BDNF: variants seen among roughly 807,000 people sequenced by gnomAD.
BDNF encodes neurotrophic factor BDNF precursor form.
In BDNF, 1 loss-of-function variant was observed where a neutral mutation model predicts 19.5. That is an observed-to-expected ratio of 0.05 (90% CI 0.02 to 0.24). BDNF has a LOEUF of 0.24. Among genes scored for constraint, BDNF ranks in the 10% least tolerant of loss-of-function variants. The pLI is 1.00. For missense variants in BDNF, 195 were observed against 317.6 expected (o/e 0.61, Z 2.93); for synonymous variants, 100 against 121.6 (o/e 0.82, Z 1.17).
At chr11:27,699,626 A>G in intron 1 of BDNF, 1 of 1,445,826 alleles carries the variant, frequency 6.9e-7, no homozygotes, top group South Asian at 1.5e-5. Context: ...CGGACTTGTA[A>G]GTCCACTTCA....
At chr11:27,663,330 CT>C (rs1441423007) in intron 1 of BDNF, among the ~76,000 whole-genome samples, 19 of 152,228 alleles carry the variant, frequency 1.2e-4, no homozygotes, top group Non-Finnish European at 1.9e-4. Flanking sequence ...TCAACCACAT[CT>C]ATAAAATGCT....
chr11:27,704,954 A>G (rs7931755), upstream of BDNF, among the ~76,000 whole-genome samples: 10,917 of 152,270 alleles, frequency 0.072, 1,326 homozygotes, highest in African/African-American at 0.25. Flanking sequence ...GAAAGGAACC[A>G]CAGCAAGAAA....
At chr11:27,670,454 C>A (rs1325811759) in intron 1 of BDNF, among the ~76,000 whole-genome samples, 6 of 152,084 alleles carry the variant, frequency 3.9e-5, no homozygotes, top group Non-Finnish European at 8.8e-5. Flanking sequence ...AAAGAAACTA[C>A]CATCAGAGTG....
intron 1 of BDNF, chr11:27,665,389 T>G (rs1207521739): frequency 1.3e-5 from 2 of 152,406 alleles, no homozygotes. Context: ...CATTTCCAAC[T>G]GAGGTACCGG....
At chr11:27,717,411 C>CA (rs917174229) in intron 1 of BDNF, among the ~76,000 whole-genome samples, 2 of 152,120 alleles carry the variant, frequency 1.3e-5, no homozygotes, top group African/African-American at 4.8e-5. Context: ...TCCCAGTTTG[C>CA]AAAGCCCTTA....
intron 1 of BDNF, among the ~76,000 whole-genome samples, chr11:27,697,136 C>T (rs535659293): frequency 1.6e-3 from 210 of 128,452 alleles, no homozygotes; most frequent in Non-Finnish European, 2.7e-3. Context: ...CACACGCGCA[C>T]GTGCACGCAC....
intron 1 of BDNF, among the ~76,000 whole-genome samples, chr11:27,707,339 T>G (rs1466894772): frequency 6.6e-6 from 1 of 152,204 alleles, no homozygotes; most frequent in African/African-American, 2.4e-5. Flanking sequence ...GCAGAAATAT[T>G]GTTCCCATTA....
intron 1 of BDNF, among the ~76,000 whole-genome samples, chr11:27,663,707 A>T (rs1374698181): frequency 6.6e-6 from 1 of 152,190 alleles, no homozygotes; most frequent in Non-Finnish European, 1.5e-5. Flanking sequence ...TACCATCAGG[A>T]TGTGTTGCCA....
At chr11:27,669,094 G>C (rs1483146897) in intron 1 of BDNF, among the ~76,000 whole-genome samples, 2 of 152,158 alleles carry the variant, frequency 1.3e-5, no homozygotes, top group Non-Finnish European at 2.9e-5. Flanking sequence ...GGGATGCAAG[G>C]CTGGTTCAAC....
chr11:27,679,041 T>C (rs1856537416), intron 1 of BDNF, among the ~76,000 whole-genome samples: 1 of 152,186 alleles, frequency 6.6e-6, no homozygotes, highest in African/African-American at 2.4e-5. Flanking sequence ...GTTAGGAAAC[T>C]AGTTACTTGG....
rs780865517 is a variant in BDNF at position 27,658,580 on chromosome 11, G to T, written c.-16C>A. The T allele has an allele frequency of 3.7e-6, 6 of 1,614,060 alleles. No homozygotes were observed. The East Asian group carries it at 1.3e-4, about 36-fold the overall frequency. On this transcript the variant is annotated 5_prime_UTR_variant, in exon 2 of 2. Transcript: ENST00000356660. The surrounding 1 kb of genome is among the most constrained non-coding windows in gnomAD (Gnocchi z 5.7). ...GGATGGTCATCACTCTTCTCACCTG[G>T]TGGAACTGTAGGGAGAAAGCAGAAA...
At position 27,692,485 on chromosome 11, in the gene BDNF, G is replaced by A. The variant is rs1269921262; in HGVS notation, c.-22+7679C>T. On this transcript the variant is annotated intron_variant, in intron 1 of 1. Coordinates refer to ENST00000356660, the MANE Select transcript of BDNF (RefSeq NM_001709.5). Reference sequence around the variant, plus strand: ...GCCTCCCAAGTAGCTGGGACTACAAGTGCCTGTCACCAGGCTTGGATAATT... The same window carrying A: ...GCCTCCCAAGTAGCTGGGACTACAAATGCCTGTCACCAGGCTTGGATAATT... 2.6e-5 allele frequency among the ~76,000 whole-genome samples: 4 copies of A among 152,196 alleles called. No individual in the cohort carries two copies. The East Asian group carries it at 7.7e-4, about 29-fold the overall frequency.
chr11:27,657,992 G>A lies in BDNF; in HGVS notation c.573C>T (p.Tyr191=). 1 of 1,614,108 alleles carries A rather than the reference G, an allele frequency of 6.2e-7. No individual in the cohort carries two copies. Among genetic ancestry groups the A allele is most frequent in the South Asian group, 1.1e-5 (1 of 91,074 alleles). The change falls in exon 2 of 2, where the codon TAC becomes TAT. Residue 191 remains tyrosine (Y), a synonymous_variant. Coordinates refer to ENST00000356660, the MANE Select transcript of BDNF (RefSeq NM_001709.5). This position sits in a 1 kb window ranked among gnomAD's most constrained non-coding sequence, Gnocchi z 5.0. ...CTATGCCCCTGCAGCCTTCTTTTGT[G>A]TAACCCATGGGATTGCACTTGGTCT... The part of the protein sequence containing the change: ...FYETKCNPMG[Y]TKEGCRGIDK...
chr11:27,671,331 A>G (rs1855351084), intron 1 of BDNF, among the ~76,000 whole-genome samples: 1 of 152,040 alleles, frequency 6.6e-6, no homozygotes, highest in Non-Finnish European at 1.5e-5. Context: ...ACCTGGAGAA[A>G]TTATCAAGTA....
rs143662661 is a variant in BDNF, at chr11:27,664,810, A to G, written c.-21-6225T>C. ...GAAAGCAACTGTTTTGCTGTAATCAATGAAGGCTCCCGATAGCCAGAGCCA... is the reference window on the plus strand; with the variant it reads ...GAAAGCAACTGTTTTGCTGTAATCAGTGAAGGCTCCCGATAGCCAGAGCCA... On this transcript the variant is annotated intron_variant, in intron 1 of 1. Coordinates refer to ENST00000356660, the MANE Select transcript of BDNF (RefSeq NM_001709.5). 6.6e-5 allele frequency among the ~76,000 whole-genome samples: 10 copies of G among 152,240 alleles called. No individual in the cohort carries two copies. In the East Asian group the frequency reaches 1.5e-3, roughly 24 times the overall value.
intron 1 of BDNF, among the ~76,000 whole-genome samples, chr11:27,671,225 G>A (rs1287677831): frequency 2.0e-5 from 3 of 151,942 alleles, no homozygotes; most frequent in African/African-American, 7.3e-5. Flanking sequence ...GTTAATGGGT[G>A]CAGCACACCA....
At chr11:27,683,484 C>A (rs1857102989) in intron 1 of BDNF, among the ~76,000 whole-genome samples, 1 of 152,096 alleles carries the variant, frequency 6.6e-6, no homozygotes, top group African/African-American at 2.4e-5. Flanking sequence ...CTTTGCCATG[C>A]CTATGTCCTG....
intron 1 of BDNF, chr11:27,660,365 G>A (rs2133803832): frequency 2.3e-6 from 1 of 439,716 alleles, no homozygotes; most frequent in Admixed American, 4.5e-5. Flanking sequence ...AATGTTCTCA[G>A]ATTAGGAAGG....
At chr11:27,717,532 T>C (rs1860561523) in intron 1 of BDNF, among the ~76,000 whole-genome samples, 2 of 152,192 alleles carry the variant, frequency 1.3e-5, no homozygotes, top group Admixed American at 6.5e-5. Context: ...TCAATACTGG[T>C]ATACTCCATT....
Sources: allele counts gnomAD v4.1 joint callset (sites outside exome capture counted in the v4.1 genomes callset), GRCh38; gene constraint gnomAD v4.1.1; non-coding constraint Gnocchi (gnomAD v3.1); transcripts MANE v1.5; gene names NCBI Gene and HGNC (gene_info 2026-07-23, HGNC 2026-07-21).